CCDC92: variants seen among roughly 807,000 people sequenced by gnomAD.
CCDC92 encodes coiled-coil domain containing 92, also known as coiled-coil domain-containing protein 92.
In CCDC92, 12 loss-of-function variants were observed where a neutral mutation model predicts 24.9. That is an observed-to-expected ratio of 0.48 (90% CI 0.31 to 0.78). CCDC92 has a LOEUF of 0.78. CCDC92 is among the 30% of genes least tolerant of loss of function. CCDC92 has a pLI of 0.05. For synonymous variants in CCDC92, 193 were observed against 196.3 expected, an observed-to-expected ratio of 0.98 and a Z score of 0.14; for missense variants, 399 against 439.4, an observed-to-expected ratio of 0.91 and a Z score of 0.82.
In CCDC92 at chr12:123,959,059, C is replaced by T. The variant is rs138206236; in HGVS notation, c.-60+13470G>A. Among the ~76,000 whole-genome samples the T allele has an allele frequency of 4.6e-5, 7 of 152,350 alleles. No individual in the cohort carries two copies. In the East Asian group the frequency reaches 1.4e-3, roughly 29 times the overall value. On this transcript the variant is annotated intron_variant, in intron 1 of 4. Coordinates refer to ENST00000238156, the MANE Select transcript of CCDC92 (RefSeq NM_025140.3). ...TAGCAGGGTAGGATTAACCCCCAGG[C>T]TCTGGATCCAGACCTCCACGGTTTG...
At chr12:123,946,979 C>T (rs1025600094) in intron 1 of CCDC92, among the ~76,000 whole-genome samples, 1 of 152,084 alleles carries the variant, frequency 6.6e-6, no homozygotes, top group Non-Finnish European at 1.5e-5. Context: ...CTGCGTGCGG[C>T]GGCGCTTGCA....
At chr12:123,958,650 A>G (rs964065132) in intron 1 of CCDC92, among the ~76,000 whole-genome samples, 20 of 152,156 alleles carry the variant, frequency 1.3e-4, no homozygotes, top group Admixed American at 2.6e-4. Flanking sequence ...TGCAGTGGTA[A>G]TGCTGCTGCT....
intron 4 of CCDC92, among the ~76,000 whole-genome samples, chr12:123,941,519 A>G (rs1009286822): frequency 1.1e-4 from 17 of 152,246 alleles, no homozygotes; most frequent in African/African-American, 4.1e-4. Flanking sequence ...GGACACTCTC[A>G]TGAATAGTAA....
intron 1 of CCDC92, among the ~76,000 whole-genome samples, chr12:123,969,521 T>C (rs1411332521): frequency 1.4e-5 from 2 of 138,320 alleles, no homozygotes; most frequent in African/African-American, 5.6e-5. Flanking sequence ...CAGGCTGGAG[T>C]GCAGTGGCGT....
rs560046380 is a variant in CCDC92 at position 123,946,965 on chromosome 12, G to A, written c.-59-2601C>T. ...TGGAGGGAGAGGCGCAAGCAGAACC[G>A]GGGCTGCGTGCGGCGGCGCTTGCAG... On this transcript the variant is annotated intron_variant, in intron 1 of 4. Transcript: ENST00000238156. 1.3e-4 allele frequency among the ~76,000 whole-genome samples: 20 copies of A among 152,238 alleles called. No individual in the cohort carries two copies. The East Asian group carries it at 3.1e-3, about 24-fold the overall frequency.
intron 3 of CCDC92, 114 bp downstream of exon 3, chr12:123,943,233 C>A: frequency 8.7e-7 from 1 of 1,145,836 alleles, no homozygotes; most frequent in South Asian, 1.4e-5. Flanking sequence ...TTCAGATGGA[C>A]TCCTGCAACG....
chr12:123,949,949 C>T (rs1387717054), intron 1 of CCDC92, among the ~76,000 whole-genome samples: 1 of 152,236 alleles, frequency 6.6e-6, no homozygotes, highest in Non-Finnish European at 1.5e-5. Flanking sequence ...CCTCTCAGGG[C>T]ATTAATGTAA....
chr12:123,954,485 AG>A (rs1444595100), intron 1 of CCDC92, among the ~76,000 whole-genome samples: 1 of 152,220 alleles, frequency 6.6e-6, no homozygotes, highest in Non-Finnish European at 1.5e-5. Context: ...ACATGGAAAG[AG>A]GGTACGCAGC....
intron 1 of CCDC92, chr12:123,945,672 C>T (rs1212262142): frequency 6.6e-6 from 1 of 152,212 alleles, no homozygotes; most frequent in African/African-American, 2.4e-5. Context: ...AATCCGGAGT[C>T]GTTCACTCTG....
At chr12:123,945,521 G>A (rs1218678149) in intron 1 of CCDC92, 1 of 152,296 alleles carries the variant, frequency 6.6e-6, no homozygotes, top group African/African-American at 2.4e-5. Context: ...GCTGTGGAAA[G>A]GGTGAGCACC....
intron 2 of CCDC92, 110 bp from the exon 3 acceptor site, chr12:123,943,603 G>A: frequency 5.8e-6 from 7 of 1,201,804 alleles, no homozygotes; most frequent in African/African-American, 1.5e-5. Context: ...GAGAGCAGAA[G>A]GAAACCACGG....
At chr12:123,962,614 G>C (rs1163766238) in intron 1 of CCDC92, 1 of 153,760 alleles carries the variant, frequency 6.5e-6, no homozygotes, top group African/African-American at 2.4e-5. Flanking sequence ...GTCAACAATT[G>C]ATGCTGCGAT....
intron 1 of CCDC92, 104 bp from the exon 2 acceptor site, chr12:123,944,468 G>A (rs1955785801): frequency 1.5e-6 from 1 of 645,634 alleles, no homozygotes; most frequent in South Asian, 2.8e-5. Context: ...CCTCCGTAAA[G>A]GAGGTACAAC....
rs1159684914 is a variant in CCDC92, at chr12:123,972,698, C to G, written c.-229G>C. ...GGCCGCCGAGGGAGGTCAGTGGGCA[C>G]CGCCCGCCCGGCGCATCTCGCCCGC... is the stretch of plus-strand genomic sequence containing the variant. On this transcript the variant is annotated 5_prime_UTR_variant, in exon 1 of 5. Transcript: ENST00000238156. The G allele has an allele frequency of 1.4e-5, 2 of 146,794 alleles. No homozygotes were observed. The highest frequency in any genetic ancestry group is 3.0e-5 in the Non-Finnish European group (2 of 66,042). The allele number at this position is 146,794 out of a possible 1,614,324, so 9.1% of individuals were successfully genotyped here.
intron 4 of CCDC92, among the ~76,000 whole-genome samples, 185 bp from the exon 5 acceptor site, chr12:123,938,015 T>G (rs1955576372): frequency 1.3e-5 from 2 of 152,104 alleles, no homozygotes; most frequent in Non-Finnish European, 2.9e-5. Context: ...GATCGGGGCA[T>G]CTCAGAGGCC....
chr12:123,946,194 A>G (rs1955864081), intron 1 of CCDC92: 1 of 152,296 alleles, frequency 6.6e-6, no homozygotes, highest in African/African-American at 2.4e-5. Flanking sequence ...AATTGAGACT[A>G]CTTAAAAACC....
intron 1 of CCDC92, among the ~76,000 whole-genome samples, chr12:123,960,559 G>A (rs940979988): frequency 3.3e-5 from 5 of 152,172 alleles, no homozygotes; most frequent in Admixed American, 2.0e-4. Flanking sequence ...TTGAAGCTGA[G>A]ATGTGGCCGT....
intron 1 of CCDC92, among the ~76,000 whole-genome samples, chr12:123,959,132 A>T (rs1956216616): frequency 6.6e-6 from 1 of 152,204 alleles, no homozygotes; most frequent in African/African-American, 2.4e-5. Flanking sequence ...GGCAAGTCAC[A>T]CGTAACTCCC....
At chr12:123,942,651 AT>A (rs1463331766) in intron 4 of CCDC92, 92 bp downstream of exon 4, 2 of 956,682 alleles carry the variant, frequency 2.1e-6, no homozygotes. Context: ...CAGCAAGAGC[AT>A]TTTCTCCTAA....
Sources: allele counts gnomAD v4.1 joint callset (sites outside exome capture counted in the v4.1 genomes callset), GRCh38; gene constraint gnomAD v4.1.1; transcripts MANE v1.5; gene names NCBI Gene and HGNC (gene_info 2026-07-23, HGNC 2026-07-21).